SLC8A1: variants seen among roughly 807,000 people sequenced by gnomAD.
SLC8A1 encodes the protein solute carrier family 8 member A1.
Under a neutral mutation model 68.3 loss-of-function variants are expected in SLC8A1, and 18 were observed. The observed-to-expected ratio is 0.26, with a 90% CI of 0.18 to 0.39. The LOEUF (loss-of-function observed/expected upper bound fraction) is 0.39, where lower values mean the gene tolerates loss of function less well. SLC8A1 is among the 10% of genes least tolerant of loss of function. The pLI, the probability that SLC8A1 is intolerant of heterozygous loss-of-function variation, is 1.00. For synonymous variants in SLC8A1, 475 were observed against 415.5 expected, an observed-to-expected ratio of 1.14 and a Z score of -1.74; for missense variants, 985 against 1,156.7, an observed-to-expected ratio of 0.85 and a Z score of 2.15.
At chr2:40,255,386 A>G (rs2149066630) in intron 2 of SLC8A1, among the ~76,000 whole-genome samples, 1 of 152,268 alleles carries the variant, frequency 6.6e-6, no homozygotes, top group South Asian at 2.1e-4. Flanking sequence ...CCACCCAGCT[A>G]TTGGACTATC....
intron 1 of SLC8A1, among the ~76,000 whole-genome samples, chr2:40,506,996 T>G (rs752161329): frequency 3.3e-5 from 5 of 152,004 alleles, no homozygotes; most frequent in Non-Finnish European, 7.4e-5. Flanking sequence ...TTATAACTTT[T>G]ACAAAACTAA....
At chr2:40,456,081 T>C (rs1290346138), upstream of SLC8A1, among the ~76,000 whole-genome samples, 2 of 151,796 alleles carry the variant, frequency 1.3e-5, no homozygotes, top group Non-Finnish European at 2.9e-5. Flanking sequence ...CTTTGGGAGG[T>C]TGAGGCGGGT....
intron 2 of SLC8A1, among the ~76,000 whole-genome samples, chr2:40,407,330 T>C (rs983748107): frequency 1.3e-5 from 2 of 152,172 alleles, no homozygotes; most frequent in East Asian, 3.9e-4. Flanking sequence ...CCTCCCACAG[T>C]GCTGGGACTA....
At chr2:40,324,390 G>C (rs972500028) in intron 2 of SLC8A1, among the ~76,000 whole-genome samples, 1 of 152,118 alleles carries the variant, frequency 6.6e-6, no homozygotes, top group Non-Finnish European at 1.5e-5. Context: ...GGCTATTTCA[G>C]AGGCACTTCC....
chr2:40,204,500 G>A (rs1304514131), intron 2 of SLC8A1, among the ~76,000 whole-genome samples: 1 of 151,934 alleles, frequency 6.6e-6, no homozygotes, highest in Non-Finnish European at 1.5e-5. Flanking sequence ...TATGGACCTT[G>A]TTCTTAGCCA....
chr2:40,346,117 CACCACACTGCTCAGA>C (rs1669228988), intron 2 of SLC8A1, among the ~76,000 whole-genome samples: 1 of 149,406 alleles, frequency 6.7e-6, no homozygotes, highest in Non-Finnish European at 1.5e-5. Context: ...GTGGTCCCCT[CACCACACTGCTCAGA>C]ACCAGAAAGA....
At chr2:40,235,251 C>G (rs981661732) in intron 2 of SLC8A1, among the ~76,000 whole-genome samples, 2 of 152,066 alleles carry the variant, frequency 1.3e-5, no homozygotes, top group African/African-American at 2.4e-5. Flanking sequence ...GGTTGGTAAG[C>G]TATTAATTAT....
intron 2 of SLC8A1, among the ~76,000 whole-genome samples, chr2:40,365,036 A>AT (rs1484366686): frequency 6.6e-6 from 1 of 152,048 alleles, no homozygotes; most frequent in Non-Finnish European, 1.5e-5. Context: ...ATTGCATGGC[A>AT]TGTATTCTTT....
chr2:40,385,713 G>C (rs1309017923), intron 2 of SLC8A1, among the ~76,000 whole-genome samples: 7 of 151,262 alleles, frequency 4.6e-5, no homozygotes, highest in Non-Finnish European at 5.9e-5. Flanking sequence ...ACTAAAAAAA[G>C]TTTTAAACTT....
At chr2:40,491,007 C>T (rs573559558) in intron 1 of SLC8A1, among the ~76,000 whole-genome samples, 70 of 152,180 alleles carry the variant, frequency 4.6e-4, no homozygotes, top group African/African-American at 1.2e-3. Flanking sequence ...ATTCCTTTAA[C>T]GTAAGAATGT....
At chr2:40,455,635 T>C (rs12998614), upstream of SLC8A1, among the ~76,000 whole-genome samples, 77,353 of 152,026 alleles carry the variant, frequency 0.51, 20,266 homozygotes, top group Middle Eastern at 0.58. Flanking sequence ...AGGTGAACCA[T>C]TGGGTTCCCA....
At chr2:40,298,082 ATCTTGGCCAGGCTGG>A (rs2149256546) in intron 2 of SLC8A1, among the ~76,000 whole-genome samples, 2 of 152,104 alleles carry the variant, frequency 1.3e-5, no homozygotes, top group South Asian at 4.2e-4. Context: ...GAATTTCACC[ATCTTGGCCAGGCTGG>A]TCTCGAACTC....
intron 2 of SLC8A1, among the ~76,000 whole-genome samples, chr2:40,353,756 C>T (rs1412718920): frequency 6.6e-6 from 1 of 152,160 alleles, no homozygotes; most frequent in African/African-American, 2.4e-5. Context: ...AAACTTGTGT[C>T]CCATTTTCAT....
intron 1 of SLC8A1, among the ~76,000 whole-genome samples, chr2:40,491,823 C>G (rs1705335645): frequency 6.6e-6 from 1 of 151,954 alleles, no homozygotes; most frequent in African/African-American, 2.4e-5. Context: ...CATCCCAGAC[C>G]ACTGCTCAGT....
chr2:40,260,316 T>A (rs1250925893), intron 2 of SLC8A1, among the ~76,000 whole-genome samples: 1 of 152,194 alleles, frequency 6.6e-6, no homozygotes, highest in Non-Finnish European at 1.5e-5. Flanking sequence ...AAAATCCAGA[T>A]CAGCTACAGA....
At chr2:40,238,964 G>A (rs1468997098) in intron 2 of SLC8A1, among the ~76,000 whole-genome samples, 1 of 151,878 alleles carries the variant, frequency 6.6e-6, no homozygotes, top group South Asian at 2.1e-4. Flanking sequence ...TGTTATTGTT[G>A]TCATGGAAAC....
At chr2:40,495,158 C>A (rs1284975274) in intron 1 of SLC8A1, among the ~76,000 whole-genome samples, 1 of 151,948 alleles carries the variant, frequency 6.6e-6, no homozygotes, top group Non-Finnish European at 1.5e-5. Flanking sequence ...TGCATGATTT[C>A]TTGTGTTCAT....
At chr2:40,340,106 T>G (rs1667212617) in intron 2 of SLC8A1, among the ~76,000 whole-genome samples, 1 of 152,234 alleles carries the variant, frequency 6.6e-6, no homozygotes, top group Non-Finnish European at 1.5e-5. Flanking sequence ...TCATTAAAAT[T>G]TGACTCTTTC....
chr2:40,281,481 A>C (rs537659103), intron 2 of SLC8A1, among the ~76,000 whole-genome samples: 4 of 152,330 alleles, frequency 2.6e-5, no homozygotes, highest in Admixed American at 1.3e-4. Flanking sequence ...AATAGCTACA[A>C]AGTGGCAAGT....
Sources: allele counts gnomAD v4.1 joint callset (sites outside exome capture counted in the v4.1 genomes callset), GRCh38; gene constraint gnomAD v4.1.1; transcripts MANE v1.5; gene names NCBI Gene and HGNC (gene_info 2026-07-23, HGNC 2026-07-21).